Variants in SHANK2 observed in about 807,000 individuals in gnomAD.
SHANK2 encodes SH3 and multiple ankyrin repeat domains 2, also known as SH3 and multiple ankyrin repeat domains protein 2.
Under a neutral mutation model 133.7 loss-of-function variants are expected in SHANK2, and 43 were observed. That is an observed-to-expected ratio of 0.32 (90% CI 0.25 to 0.41). The LOEUF is 0.41. Among genes scored for constraint, SHANK2 ranks in the 10% least tolerant of loss-of-function variants. The pLI is 1.00. For missense variants in SHANK2, 1,994 were observed against 2,235.8 expected (o/e 0.89, Z 2.18); for synonymous variants, 1,017 against 952.8 (o/e 1.07, Z -1.24).
chr11:70,896,912 C>T (rs1282748971), intron 10 of SHANK2, among the ~76,000 whole-genome samples: 3 of 152,248 alleles, frequency 2.0e-5, no homozygotes, highest in East Asian at 1.9e-4. Context: ...TGTGTACCCA[C>T]GGGGCTTGAT....
At chr11:70,789,836 C>T (rs1947751208) in intron 14 of SHANK2, among the ~76,000 whole-genome samples, 1 of 152,206 alleles carries the variant, frequency 6.6e-6, no homozygotes, top group Non-Finnish European at 1.5e-5. Context: ...AGCGGTGACT[C>T]ATCACACCCA....
intron 6 of SHANK2, among the ~76,000 whole-genome samples, chr11:71,100,405 A>C (rs1555096411): frequency 8.5e-5 from 13 of 152,274 alleles, no homozygotes; most frequent in Non-Finnish European, 1.5e-5. Flanking sequence ...TATCCATTGC[A>C]CATGCAGACA....
chr11:70,884,411 C>T (rs781894243), intron 11 of SHANK2, among the ~76,000 whole-genome samples: 16 of 152,310 alleles, frequency 1.1e-4, no homozygotes, highest in Middle Eastern at 3.4e-3. Flanking sequence ...TTTAATACTC[C>T]CCGAATTTTC....
At chr11:70,952,602 CT>C in intron 10 of SHANK2, 1 of 253,612 alleles carries the variant, frequency 3.9e-6, no homozygotes, top group South Asian at 3.9e-5. Flanking sequence ...AAGTTGGCTC[CT>C]ATGCCGTGGC....
chr11:70,689,165 A>C (rs1194218490), intron 15 of SHANK2, among the ~76,000 whole-genome samples: 1 of 152,202 alleles, frequency 6.6e-6, no homozygotes, highest in African/African-American at 2.4e-5. Flanking sequence ...AGCTTATCCC[A>C]TTGTTGAAAG....
At chr11:70,503,163 T>C (rs979578922) in intron 17 of SHANK2, among the ~76,000 whole-genome samples, 8 of 152,158 alleles carry the variant, frequency 5.3e-5, no homozygotes, top group Non-Finnish European at 1.0e-4. Context: ...GGGGGAGGCC[T>C]TCCTCTGACA....
At chr11:71,092,299 A>G (rs1555094186) in intron 8 of SHANK2, 123 bp downstream of exon 8, 1 of 979,728 alleles carries the variant, frequency 1.0e-6, no homozygotes, top group African/African-American at 1.6e-5. Flanking sequence ...AACTCTGGGC[A>G]GGCCAAACAA....
intron 15 of SHANK2, among the ~76,000 whole-genome samples, chr11:70,690,343 G>A (rs1374830022): frequency 6.6e-6 from 1 of 151,972 alleles, no homozygotes; most frequent in Non-Finnish European, 1.5e-5. Flanking sequence ...AAGCTGAAAT[G>A]TAGAATTACT....
At chr11:70,822,078 G>C (rs1948536288) in intron 11 of SHANK2, among the ~76,000 whole-genome samples, 1 of 152,224 alleles carries the variant, frequency 6.6e-6, no homozygotes, top group African/African-American at 2.4e-5. Flanking sequence ...CAAGAAAGAA[G>C]ACCTCCTGAA....
intron 14 of SHANK2, among the ~76,000 whole-genome samples, chr11:70,772,298 G>A (rs1215489664): frequency 6.6e-6 from 1 of 152,028 alleles, no homozygotes; most frequent in Middle Eastern, 3.4e-3. Context: ...AAATTAGCTG[G>A]GGGTGGTGGC....
intron 11 of SHANK2, among the ~76,000 whole-genome samples, chr11:70,888,928 C>T (rs189606928): frequency 6.6e-6 from 1 of 152,184 alleles, no homozygotes; most frequent in Non-Finnish European, 1.5e-5. Context: ...GAGGCCCCAC[C>T]ACGTGCCTAG....
At chr11:70,631,252 CAG>C (rs1232052325) in intron 17 of SHANK2, 8 of 152,280 alleles carry the variant, frequency 5.3e-5, no homozygotes, top group African/African-American at 1.7e-4. Flanking sequence ...TTGCCTAAAA[CAG>C]GGGAGGGTAG....
chr11:70,782,781 G>C (rs551065893), intron 14 of SHANK2, among the ~76,000 whole-genome samples: 41 of 152,318 alleles, frequency 2.7e-4, no homozygotes, highest in African/African-American at 9.6e-4. Context: ...AAGGTGCTCG[G>C]CCTCAGAAGT....
At chr11:70,661,841 C>T (rs372527037) in intron 15 of SHANK2, 163 bp from the exon 16 acceptor site, 12 of 1,599,872 alleles carry the variant, frequency 7.5e-6, no homozygotes, top group Non-Finnish European at 1.0e-5. Flanking sequence ...GCAGGAGGAG[C>T]GAAGGAAGAG....
chr11:71,167,163 A>G (rs1590979549), intron 2 of SHANK2, among the ~76,000 whole-genome samples: 1 of 151,982 alleles, frequency 6.6e-6, no homozygotes, highest in East Asian at 1.9e-4. Flanking sequence ...TACAGAACAA[A>G]ATGAAAAGTC....
Position 70,608,704 on chromosome 11 carries a change from G to A in SHANK2, c.2061+51124C>T, listed in dbSNP as rs970595744. Among the ~76,000 whole-genome samples, 6 of 152,196 alleles carry A rather than the reference G, an allele frequency of 3.9e-5. No individual in the cohort carries two copies. The South Asian group carries it at 1.2e-3, about 32-fold the overall frequency. ...GCTTCACCCACCTCGACACGGGGGTGAGGGCCACGGGCTCCCGGAAACCCA... is the reference window on the plus strand; with the variant it reads ...GCTTCACCCACCTCGACACGGGGGTAAGGGCCACGGGCTCCCGGAAACCCA... On this transcript the variant is annotated intron_variant, in intron 17 of 25. Coordinates refer to ENST00000601538, the MANE Select transcript of SHANK2 (RefSeq NM_012309.5).
At chr11:71,065,445 G>C (rs1276144786) in intron 9 of SHANK2, among the ~76,000 whole-genome samples, 11 of 140,336 alleles carry the variant, frequency 7.8e-5, no homozygotes, top group African/African-American at 3.0e-4. Flanking sequence ...GATGAGCAGT[G>C]AGTGGGGAAG....
At chr11:70,696,464 C>G (rs902596026) in intron 15 of SHANK2, among the ~76,000 whole-genome samples, 10 of 152,170 alleles carry the variant, frequency 6.6e-5, no homozygotes, top group Admixed American at 1.3e-4. Flanking sequence ...ACCACCTGCC[C>G]AGGGTCCACT....
chr11:71,210,033 C>T (rs77061780), intron 2 of SHANK2, among the ~76,000 whole-genome samples: 4,884 of 151,192 alleles, frequency 0.032, 266 homozygotes, highest in African/African-American at 0.11. Flanking sequence ...GATGCTCAAA[C>T]GAGTCCGTGA....
Sources: allele counts gnomAD v4.1 joint callset (sites outside exome capture counted in the v4.1 genomes callset), GRCh38; gene constraint gnomAD v4.1.1; transcripts MANE v1.5; gene names NCBI Gene and HGNC (gene_info 2026-07-23, HGNC 2026-07-21).